NWD2: variants seen among roughly 807,000 people sequenced by gnomAD.
The protein encoded by NWD2 is NACHT and WD repeat domain containing 2, also known as NACHT and WD repeat domain-containing protein 2.
A neutral mutation model predicts 132.7 loss-of-function variants in NWD2; 37 were observed. The observed-to-expected ratio is 0.28, with a 90% CI of 0.21 to 0.37. NWD2 has a LOEUF of 0.37. Ranked by LOEUF, NWD2 falls within the 10% of genes least tolerant of loss-of-function variation. The pLI is 1.00. For missense variants in NWD2, 1,592 were observed against 2,122.4 expected (o/e 0.75, Z 4.91); for synonymous variants, 705 against 803.0 (o/e 0.88, Z 2.06).
At chr4:37,376,392 T>C (rs1350111970) in intron 3 of NWD2, among the ~76,000 whole-genome samples, 1 of 152,238 alleles carries the variant, frequency 6.6e-6, no homozygotes, top group African/African-American at 2.4e-5. Context: ...AAAAATATTT[T>C]TATATATGTA....
rs1712636099 is a variant in NWD2 at position 37,446,412 on chromosome 4, G to C, written c.4424G>C (p.Cys1475Ser). ...GGAAGTATCACCAAGAAATTTTGCT[G>C]TGAAGATGGGACCACCATCGTGAAT... ...WTGSITKKFCCEDGTTIVNFK... is the reference protein window; with the variant it reads ...WTGSITKKFCSEDGTTIVNFK... The change falls in exon 7 of 7, where the codon TGT becomes TCT. Residue 1475 changes from cysteine to serine, a missense_variant. Cys to Ser is a moderately radical substitution (Grantham distance 112). Coordinates refer to ENST00000309447, the MANE Select transcript of NWD2 (RefSeq NM_001144990.2). The surrounding 1 kb of genome is among the most constrained non-coding windows in gnomAD (Gnocchi z 6.7). The C allele has an allele frequency of 6.4e-7, 1 of 1,551,682 alleles. No individual in the cohort carries two copies. The highest frequency in any genetic ancestry group is 8.7e-7 in the Non-Finnish European group (1 of 1,147,028).
intron 3 of NWD2, among the ~76,000 whole-genome samples, chr4:37,415,913 C>G (rs1711582066): frequency 6.6e-6 from 1 of 152,178 alleles, no homozygotes; most frequent in African/African-American, 2.4e-5. Flanking sequence ...CCATGATGCA[C>G]AGGCCAACCT....
intron 3 of NWD2, among the ~76,000 whole-genome samples, chr4:37,376,337 G>A (rs1244763616): frequency 1.3e-5 from 2 of 152,158 alleles, no homozygotes; most frequent in Admixed American, 1.3e-4. Context: ...GGTGAAAGAA[G>A]GGATATCATA....
At chr4:37,333,512 T>C (rs1719336198) in intron 2 of NWD2, among the ~76,000 whole-genome samples, 1 of 152,192 alleles carries the variant, frequency 6.6e-6, no homozygotes, top group Non-Finnish European at 1.5e-5. Flanking sequence ...TTACTGGGCT[T>C]GGAGTATTCC....
chr4:37,362,395 C>G (rs1719998099), intron 3 of NWD2, among the ~76,000 whole-genome samples: 2 of 152,128 alleles, frequency 1.3e-5, no homozygotes, highest in Non-Finnish European at 2.9e-5. Context: ...CTGGAGGCAT[C>G]ACCACATTAC....
At chr4:37,401,306 G>GCCCAGTTTGC (rs1406809790) in intron 3 of NWD2, among the ~76,000 whole-genome samples, 1 of 151,926 alleles carries the variant, frequency 6.6e-6, no homozygotes, top group Non-Finnish European at 1.5e-5. Context: ...CCTCCATTTG[G>GCCCAGTTTGC]CCCAGTTTGC....
chr4:37,326,151 G>T, intron 2 of NWD2, 127 bp downstream of exon 2: 1 of 584,290 alleles, frequency 1.7e-6, no homozygotes, highest in Non-Finnish European at 3.0e-6. Flanking sequence ...CTTCAAGCAT[G>T]GGTAAAAAGA....
chr4:37,343,958 G>A (rs973575021), intron 2 of NWD2, among the ~76,000 whole-genome samples: 3 of 152,102 alleles, frequency 2.0e-5, no homozygotes, highest in Non-Finnish European at 4.4e-5. Flanking sequence ...TGATAAATTA[G>A]CTTCCCTAAG....
intron 1 of NWD2, among the ~76,000 whole-genome samples, chr4:37,289,182 T>C (rs1275005976): frequency 6.6e-6 from 1 of 152,218 alleles, no homozygotes; most frequent in African/African-American, 2.4e-5. Flanking sequence ...AGTGTTGGAT[T>C]TTTTAATAAA....
chr4:37,443,762 G>A lies in NWD2; in HGVS notation c.1774G>A (p.Val592Ile), dbSNP rs908745748. Residue 592 changes from valine to isoleucine, a missense_variant, in exon 7 of 7, where the codon GTC becomes ATC. Around this residue, in one of 7 missense-constraint regions of NWD2, gnomAD observed 1,071 missense variants for 1,398.0 expected, o/e 0.77. Coordinates refer to ENST00000309447, the MANE Select transcript of NWD2 (RefSeq NM_001144990.2). The surrounding 1 kb of genome is among the most constrained non-coding windows in gnomAD (Gnocchi z 4.1). ...KHQLLRVKRK[V>I]TSGQQIYVNN... The stretch of plus-strand genomic sequence containing the variant: ...CCAGCTGCTGCGCGTCAAAAGGAAG[G>A]TCACATCAGGCCAGCAGATTTATGT... 27 of 1,551,956 alleles carry A rather than the reference G, an allele frequency of 1.7e-5. No homozygotes were observed. The highest frequency in any genetic ancestry group is 1.7e-4 in the Middle Eastern group (1 of 5,996).
intron 1 of NWD2, among the ~76,000 whole-genome samples, chr4:37,274,897 A>T (rs1577652012): frequency 6.6e-6 from 1 of 151,460 alleles, no homozygotes; most frequent in Non-Finnish European, 1.5e-5. Context: ...CATGCTAAAA[A>T]CTCAATAAAT....
intron 1 of NWD2, among the ~76,000 whole-genome samples, chr4:37,275,469 A>C (rs1717988982): frequency 6.6e-6 from 1 of 152,192 alleles, no homozygotes; most frequent in African/African-American, 2.4e-5. Flanking sequence ...CATGGGTAGG[A>C]AGAATCAATA....
rs142054305 is a variant in NWD2 at position 37,298,126 on chromosome 4, G to T, written c.152-27810G>T. Among the ~76,000 whole-genome samples the T allele has an allele frequency of 1.7e-4, 26 of 152,210 alleles. No homozygotes were observed. The East Asian group carries it at 4.2e-3, about 25-fold the overall frequency. On this transcript the variant is annotated intron_variant, in intron 1 of 6. Transcript: ENST00000309447. Reference sequence around the variant, plus strand: ...TTCAAGGAAGTGTGGTTTCATTCCAGATTGGGCGCTATCAGAAAACAGGGA... The same window carrying T: ...TTCAAGGAAGTGTGGTTTCATTCCATATTGGGCGCTATCAGAAAACAGGGA...
chr4:37,320,964 C>A (rs1719056335), intron 1 of NWD2, among the ~76,000 whole-genome samples: 1 of 152,064 alleles, frequency 6.6e-6, no homozygotes, highest in Non-Finnish European at 1.5e-5. Context: ...TCGAGACCAG[C>A]TGGCCAACGT....
chr4:37,298,732 G>A (rs1398274710), intron 1 of NWD2, among the ~76,000 whole-genome samples: 1 of 152,112 alleles, frequency 6.6e-6, no homozygotes, highest in African/African-American at 2.4e-5. Flanking sequence ...AGGAGCAACA[G>A]CCTATATAGC....
At chr4:37,341,531 A>G (rs1409118818) in intron 2 of NWD2, among the ~76,000 whole-genome samples, 1 of 152,234 alleles carries the variant, frequency 6.6e-6, no homozygotes, top group Admixed American at 6.5e-5. Flanking sequence ...CAAACATGAC[A>G]TGAAATGAGA....
At chr4:37,359,062 G>C (rs1719925896) in intron 3 of NWD2, among the ~76,000 whole-genome samples, 2 of 152,184 alleles carry the variant, frequency 1.3e-5, no homozygotes, top group South Asian at 4.1e-4. Flanking sequence ...AGGAATGAGA[G>C]AGATGTTCTC....
At chr4:37,403,534 A>T (rs1300625579) in intron 3 of NWD2, among the ~76,000 whole-genome samples, 1 of 152,190 alleles carries the variant, frequency 6.6e-6, no homozygotes, top group Non-Finnish European at 1.5e-5. Flanking sequence ...ACGATTTCTG[A>T]GGAGTGGGTT....
chr4:37,423,408 C>T (rs1036686509), intron 3 of NWD2, among the ~76,000 whole-genome samples: 6 of 152,118 alleles, frequency 3.9e-5, no homozygotes, highest in African/African-American at 9.7e-5. Context: ...GGCATTGGCT[C>T]GTGCAACTAT....
Sources: allele counts gnomAD v4.1 joint callset (sites outside exome capture counted in the v4.1 genomes callset), GRCh38; gene constraint gnomAD v4.1.1; regional missense constraint gnomAD v4.1.1; non-coding constraint Gnocchi (gnomAD v3.1); transcripts MANE v1.5; gene names NCBI Gene and HGNC (gene_info 2026-07-23, HGNC 2026-07-21).